LRRC40: variants seen among roughly 807,000 people sequenced by gnomAD.
LRRC40 encodes leucine-rich repeat-containing protein 40.
LRRC40 carries 76 observed loss-of-function variants against 72.8 expected under a neutral mutation model. The ratio of observed to expected loss-of-function variants is 1.04; its 90% CI spans 0.87 to 1.26. The LOEUF (loss-of-function observed/expected upper bound fraction) is 1.26, where lower values mean the gene tolerates loss of function less well. LRRC40 is among the 50% of genes most tolerant of loss of function. The pLI is 0.00. For missense variants in LRRC40, 684 were observed against 698.9 expected (o/e 0.98, Z 0.24); for synonymous variants, 243 against 254.2 (o/e 0.96, Z 0.42).
At chr1:70,154,978 A>G (rs949246597) in intron 11 of LRRC40, among the ~76,000 whole-genome samples, 2 of 152,164 alleles carry the variant, frequency 1.3e-5, no homozygotes, top group Non-Finnish European at 2.9e-5. Flanking sequence ...GTTCCTTATC[A>G]GTACCCTATC....
At chr1:70,183,895 G>A (rs1288793138) in intron 4 of LRRC40, among the ~76,000 whole-genome samples, 2 of 152,114 alleles carry the variant, frequency 1.3e-5, no homozygotes, top group East Asian at 1.9e-4. Flanking sequence ...TATTGTATTA[G>A]GGGATATTAC....
chr1:70,175,175 A>G (rs1273021208), intron 7 of LRRC40, among the ~76,000 whole-genome samples: 1 of 152,168 alleles, frequency 6.6e-6, no homozygotes, highest in Admixed American at 6.5e-5. Context: ...GTCAGAGAGC[A>G]AGACACCTGC....
At chr1:70,167,907 G>A (rs948183326) in intron 9 of LRRC40, among the ~76,000 whole-genome samples, 41 of 152,254 alleles carry the variant, frequency 2.7e-4, no homozygotes, top group African/African-American at 8.9e-4. Flanking sequence ...GAGCCACCAC[G>A]CCTGGCCTTG....
intron 9 of LRRC40, among the ~76,000 whole-genome samples, chr1:70,164,181 G>A (rs866276855): frequency 2.0e-5 from 3 of 151,904 alleles, no homozygotes; most frequent in South Asian, 2.1e-4. Context: ...ACCTGAGGTC[G>A]GGAGTTTGAG....
intron 4 of LRRC40, 41 bp downstream of exon 4, chr1:70,184,744 C>T (rs770542000): frequency 6.5e-7 from 1 of 1,548,526 alleles, no homozygotes; most frequent in African/African-American, 1.4e-5. Flanking sequence ...AAAAATCCCA[C>T]CAGCCCCAAA....
chr1:70,205,503 C>G lies in LRRC40; in HGVS notation c.38G>C (p.Arg13Pro), dbSNP rs764305527. 1.2e-6 allele frequency: 2 copies of G among 1,605,148 alleles called. No individual in the cohort carries two copies. Among genetic ancestry groups the G allele is most frequent in the Admixed American group, 1.7e-5 (1 of 59,848 alleles). Residue 13 changes from arginine to proline, a missense_variant, in exon 1 of 15, where the codon CGC becomes CCC. By Grantham distance (103) the Arg-to-Pro change is moderately radical (BLOSUM62 -2). Transcript: ENST00000370952. Reference sequence around the variant, plus strand: ...TCTTCCACCTGCTTTGAAACCAGCGCGGAGATCCTGCCCCGCTATCCGCTT... The same window carrying G: ...TCTTCCACCTGCTTTGAAACCAGCGGGGAGATCCTGCCCCGCTATCCGCTT... ...RLKRIAGQDLRAGFKAGGRDC... is the reference protein window; with the variant it reads ...RLKRIAGQDLPAGFKAGGRDC...
At chr1:70,186,905 C>T (rs1004624319) in intron 3 of LRRC40, among the ~76,000 whole-genome samples, 7 of 151,990 alleles carry the variant, frequency 4.6e-5, no homozygotes, top group Admixed American at 3.3e-4. Context: ...TACATTTCTT[C>T]CTTATTGTTT....
At chr1:70,163,792 T>C (rs1167128931) in intron 9 of LRRC40, among the ~76,000 whole-genome samples, 1 of 152,078 alleles carries the variant, frequency 6.6e-6, no homozygotes, top group Non-Finnish European at 1.5e-5. Context: ...CAGAATCAGG[T>C]GATAGAGCTT....
intron 11 of LRRC40, among the ~76,000 whole-genome samples, chr1:70,153,265 A>T (rs1667551854): frequency 6.6e-6 from 1 of 151,918 alleles, no homozygotes; most frequent in South Asian, 2.1e-4. Context: ...GGGAGGCTGA[A>T]GCAAGAGAAT....
In LRRC40 at chr1:70,205,373, G is replaced by GTA. The variant is rs778745392; in HGVS notation, c.151+15_151+16dup. The GTA allele has an allele frequency of 6.5e-5, 101 of 1,563,376 alleles. No individual in the cohort carries two copies. The highest frequency in any genetic ancestry group is 8.6e-5 in the Non-Finnish European group (98 of 1,143,116). ...TTCTGACAGGAGACACAATAGGGTC[G>GTA]TACCTCTGGGTCTTACCTTCACTGA... On this transcript the variant is annotated intron_variant, in intron 1 of 14. Coordinates refer to ENST00000370952, the MANE Select transcript of LRRC40 (RefSeq NM_017768.5).
In LRRC40 at chr1:70,181,308, TAA is replaced by T. The variant is rs532872520; in HGVS notation, c.538-101_538-100del. 8 of 630,242 alleles carry T rather than the reference TAA, an allele frequency of 1.3e-5. No homozygotes were observed. In the African/African-American group the frequency reaches 1.3e-4, roughly 11 times the overall value. 39.0% of individuals were successfully genotyped at this position (630,242 alleles called of 1,614,324 possible). ...TCAAATTTTTGAAGGAATTACAACATAAAAGAGACTACTTAAGATGTGATAAG... is the reference window on the plus strand; with the variant it reads ...TCAAATTTTTGAAGGAATTACAACATAAGAGACTACTTAAGATGTGATAAG... On this transcript the variant is annotated intron_variant, in intron 4 of 14. Coordinates refer to ENST00000370952, the MANE Select transcript of LRRC40 (RefSeq NM_017768.5).
chr1:70,202,555 A>G (rs1668771406), intron 1 of LRRC40, among the ~76,000 whole-genome samples: 2 of 152,308 alleles, frequency 1.3e-5, no homozygotes, highest in Admixed American at 6.5e-5. Context: ...ATGAATGGGT[A>G]GAGCACACAG....
In LRRC40 at chr1:70,189,092, A is replaced by G. The variant is rs771145876; in HGVS notation, c.333T>C (p.Asp111=). Residue 111 remains aspartate, a splice_region_variant and synonymous_variant, in exon 2 of 15, where the codon GAT becomes GAC. Transcript: ENST00000370952. ...CCATATTTATAGTCAGTCAACTTAC[A>G]TCAAGAACAGTCAGTGCAGGCAAGA... ...LRLLPALTVL[D]IHDNQLTSLP... 16 of 1,608,736 alleles carry G rather than the reference A, an allele frequency of 9.9e-6. No individual in the cohort carries two copies. The African/African-American group carries it at 1.7e-4, about 17-fold the overall frequency.
chr1:70,200,045 C>T (rs138338994), intron 1 of LRRC40, among the ~76,000 whole-genome samples: 4 of 152,220 alleles, frequency 2.6e-5, no homozygotes, highest in East Asian at 3.9e-4. Flanking sequence ...TGCCCTTGTA[C>T]GGCTTCCACT....
intron 6 of LRRC40, 82 bp from the exon 7 acceptor site, chr1:70,176,064 A>C (rs1228690440): frequency 4.0e-6 from 3 of 757,696 alleles, no homozygotes; most frequent in Non-Finnish European, 5.9e-6. Flanking sequence ...AGGTACTCTT[A>C]ATTTCAAGTG....
chr1:70,178,540 G>C (rs560794793), intron 6 of LRRC40, among the ~76,000 whole-genome samples: 1 of 152,162 alleles, frequency 6.6e-6, no homozygotes, highest in Admixed American at 6.5e-5. Flanking sequence ...ACATAATCCT[G>C]GTTGGTATTC....
At chr1:70,165,885 C>A (rs768145749) in intron 9 of LRRC40, among the ~76,000 whole-genome samples, 1 of 152,022 alleles carries the variant, frequency 6.6e-6, no homozygotes, top group Admixed American at 6.6e-5. Flanking sequence ...CCTCTAGATA[C>A]GTATGTAGAT....
intron 4 of LRRC40, among the ~76,000 whole-genome samples, chr1:70,184,258 AAAT>A (rs1488013661): frequency 6.6e-6 from 1 of 152,108 alleles, no homozygotes; most frequent in Non-Finnish European, 1.5e-5. Flanking sequence ...CCCAAAAATA[AAAT>A]AATAATAAAA....
At chr1:70,155,067 A>G (rs1667607994) in intron 11 of LRRC40, among the ~76,000 whole-genome samples, 1 of 152,138 alleles carries the variant, frequency 6.6e-6, no homozygotes, top group Admixed American at 6.5e-5. Context: ...CTAGATAACA[A>G]ATGTTTTTTA....
Sources: allele counts gnomAD v4.1 joint callset (sites outside exome capture counted in the v4.1 genomes callset), GRCh38; gene constraint gnomAD v4.1.1; transcripts MANE v1.5; gene names NCBI Gene and HGNC (gene_info 2026-07-23, HGNC 2026-07-21).